Variants in QTMAN observed in about 807,000 individuals in gnomAD.
QTMAN encodes queuosine-tRNA mannosyltransferase.
At chr2:144,050,408 C>T in the QTMAN span, among the ~76,000 whole-genome samples, 1 of 152,000 alleles carries the variant, frequency 6.6e-6, no homozygotes. Context: ...AGCTGCCTTA[C>T]TAGGTAATGA....
chr2:144,076,230 G>A, the QTMAN span, among the ~76,000 whole-genome samples: 3 of 152,148 alleles, frequency 2.0e-5, no homozygotes, highest in African/African-American at 7.2e-5. Flanking sequence ...CTGGGCAACA[G>A]AGTGAGACTC....
chr2:144,031,332 C>T, the QTMAN span, among the ~76,000 whole-genome samples: 1 of 151,866 alleles, frequency 6.6e-6, no homozygotes, highest in African/African-American at 2.4e-5. Flanking sequence ...AAAGTGAAGG[C>T]CATAACCTCA....
chr2:144,124,347 A>G, the QTMAN span, among the ~76,000 whole-genome samples: 2 of 152,194 alleles, frequency 1.3e-5, no homozygotes, highest in African/African-American at 4.8e-5. Flanking sequence ...ACTTAACTTT[A>G]TCTTCTCATA....
At chr2:144,097,049 A>G in the QTMAN span, among the ~76,000 whole-genome samples, 1 of 152,246 alleles carries the variant, frequency 6.6e-6, no homozygotes, top group African/African-American at 2.4e-5. Flanking sequence ...AGGAATATGA[A>G]TTACCTTTTA....
chr2:144,061,048 C>A, the QTMAN span, among the ~76,000 whole-genome samples: 2 of 151,824 alleles, frequency 1.3e-5, no homozygotes, highest in African/African-American at 4.8e-5. Flanking sequence ...GTTCCCAATA[C>A]AGTGTCCTTG....
the QTMAN span, among the ~76,000 whole-genome samples, chr2:144,093,109 G>T: frequency 6.6e-6 from 1 of 152,150 alleles, no homozygotes; most frequent in Non-Finnish European, 1.5e-5. Flanking sequence ...TGAAGAGATT[G>T]ATGAGAAAGC....
the QTMAN span, chr2:144,007,386 G>A: frequency 2.5e-6 from 4 of 1,613,196 alleles, no homozygotes; most frequent in Non-Finnish European, 3.4e-6. Flanking sequence ...GCCACAGTGT[G>A]TATCACACTC....
the QTMAN span, among the ~76,000 whole-genome samples, chr2:144,215,275 C>T: frequency 0.01 from 1,506 of 144,278 alleles, 15 homozygotes; most frequent in African/African-American, 0.031. Context: ...TATATATATA[C>T]ACACACACAC....
At chr2:144,328,958 T>G in the QTMAN span, among the ~76,000 whole-genome samples, 37 of 152,246 alleles carry the variant, frequency 2.4e-4, no homozygotes, top group East Asian at 6.4e-3. Context: ...TTCCTCAGTT[T>G]TTTTTTAAAA....
At chr2:144,177,143 T>C in the QTMAN span, 58 of 702,264 alleles carry the variant, frequency 8.3e-5, no homozygotes, top group Admixed American at 3.8e-4. Flanking sequence ...ACCTGCAACA[T>C]TGGTGATTAT....
chr2:144,237,397 C>A, the QTMAN span: 1 of 152,058 alleles, frequency 6.6e-6, no homozygotes, highest in Non-Finnish European at 1.5e-5. Context: ...ATCACTACCT[C>A]ATTATCTCTA....
At chr2:144,210,878 G>C in the QTMAN span, 1 of 152,074 alleles carries the variant, frequency 6.6e-6, no homozygotes, top group South Asian at 2.1e-4. Flanking sequence ...TTACTCAGAG[G>C]AAATGCTAAG....
chr2:144,061,512 G>A, the QTMAN span, among the ~76,000 whole-genome samples: 2 of 152,146 alleles, frequency 1.3e-5, no homozygotes, highest in Non-Finnish European at 2.9e-5. Flanking sequence ...AGGTAATAAT[G>A]GCTGATGAAG....
chr2:144,116,585 T>A, the QTMAN span, among the ~76,000 whole-genome samples: 4 of 152,306 alleles, frequency 2.6e-5, no homozygotes, highest in East Asian at 1.9e-4. Flanking sequence ...CCTATGTCTA[T>A]GAAGTGGGTT....
At chr2:144,331,127 C>G in the QTMAN span, among the ~76,000 whole-genome samples, 1 of 152,250 alleles carries the variant, frequency 6.6e-6, no homozygotes, top group African/African-American at 2.4e-5. Flanking sequence ...AATACTAAAA[C>G]TGTTTCATTA....
the QTMAN span, among the ~76,000 whole-genome samples, chr2:144,025,260 G>C: frequency 6.6e-6 from 1 of 152,164 alleles, no homozygotes; most frequent in Non-Finnish European, 1.5e-5. Context: ...CTGCCAAACA[G>C]CCAAAACTCA....
chr2:144,168,113 A>G, the QTMAN span, among the ~76,000 whole-genome samples: 10 of 152,216 alleles, frequency 6.6e-5, no homozygotes, highest in African/African-American at 2.4e-4. Context: ...AATGTAGGTT[A>G]ATCAAAAGCA....
chr2:144,044,981 A>T, the QTMAN span, among the ~76,000 whole-genome samples: 2 of 152,202 alleles, frequency 1.3e-5, no homozygotes, highest in Non-Finnish European at 2.9e-5. Context: ...AGATACAAGG[A>T]GTTATATATG....
the QTMAN span, among the ~76,000 whole-genome samples, chr2:144,181,654 T>C: frequency 1.1e-4 from 16 of 151,822 alleles, no homozygotes; most frequent in South Asian, 3.1e-3. Flanking sequence ...CCGCTAAAAA[T>C]ACAAAAATGA....
Sources: allele counts gnomAD v4.1 joint callset (sites outside exome capture counted in the v4.1 genomes callset), GRCh38; gene constraint gnomAD v4.1.1; transcripts MANE v1.5; gene names NCBI Gene and HGNC (gene_info 2026-07-23, HGNC 2026-07-21).